GALNTL6: variants seen among roughly 807,000 people sequenced by gnomAD.
GALNTL6 encodes the protein polypeptide N-acetylgalactosaminyltransferase-like 6.
GALNTL6 carries 46 observed loss-of-function variants against 73.7 expected under a neutral mutation model. That is an observed-to-expected ratio of 0.62 (90% confidence interval 0.49 to 0.80). The LOEUF is 0.80. GALNTL6 is among the 30% of genes least tolerant of loss of function. GALNTL6 has a pLI of 0.00. For synonymous variants in GALNTL6, 259 were observed against 263.7 expected (o/e 0.98, Z 0.17); for missense variants, 604 against 755.0 (o/e 0.80, Z 2.34).
At chr4:172,373,609 C>T (rs1432317647) in intron 5 of GALNTL6, among the ~76,000 whole-genome samples, 1 of 152,006 alleles carries the variant, frequency 6.6e-6, no homozygotes, top group African/African-American at 2.4e-5. Context: ...GCATTTTTTG[C>T]CCTTCCAATG....
At chr4:172,706,524 C>G (rs1025973362) in intron 5 of GALNTL6, among the ~76,000 whole-genome samples, 1 of 151,958 alleles carries the variant, frequency 6.6e-6, no homozygotes, top group African/African-American at 2.4e-5. Context: ...GGACTTATGT[C>G]TATGTCTTTG....
intron 2 of GALNTL6, among the ~76,000 whole-genome samples, chr4:172,053,520 G>C (rs1043436717): frequency 6.6e-6 from 1 of 152,158 alleles, no homozygotes; most frequent in Non-Finnish European, 1.5e-5. Flanking sequence ...CTTTTCTAAA[G>C]GGACTGCTGA....
At chr4:172,214,814 T>TA (rs1736446419) in intron 2 of GALNTL6, among the ~76,000 whole-genome samples, 1 of 151,912 alleles carries the variant, frequency 6.6e-6, no homozygotes, top group Non-Finnish European at 1.5e-5. Flanking sequence ...TGCCCGGCCT[T>TA]TTGATTTCTT....
chr4:172,083,986 G>T (rs1435025915), intron 2 of GALNTL6, among the ~76,000 whole-genome samples: 1 of 152,134 alleles, frequency 6.6e-6, no homozygotes, highest in Non-Finnish European at 1.5e-5. Context: ...TTTAAGCAGT[G>T]GCTGGAGAAT....
intron 2 of GALNTL6, among the ~76,000 whole-genome samples, chr4:172,168,691 A>G (rs1210035646): frequency 6.6e-6 from 1 of 151,986 alleles, no homozygotes; most frequent in African/African-American, 2.4e-5. Context: ...CATAATAATG[A>G]TGATGGTGAT....
chr4:172,708,060 A>G (rs1366524836), intron 5 of GALNTL6, among the ~76,000 whole-genome samples: 1 of 152,098 alleles, frequency 6.6e-6, no homozygotes, highest in Non-Finnish European at 1.5e-5. Context: ...CCTCACCATA[A>G]AAACAAAACT....
At chr4:172,453,849 G>C (rs1732301545) in intron 5 of GALNTL6, among the ~76,000 whole-genome samples, 1 of 152,170 alleles carries the variant, frequency 6.6e-6, no homozygotes, top group Non-Finnish European at 1.5e-5. Flanking sequence ...AATAAGTCCA[G>C]AGTACTAAAT....
intron 3 of GALNTL6, among the ~76,000 whole-genome samples, chr4:172,254,431 G>A (rs1305162685): frequency 6.6e-6 from 1 of 150,932 alleles, no homozygotes; most frequent in African/African-American, 2.4e-5. Context: ...CTTGCTTTTT[G>A]TCTTGCTACA....
chr4:172,073,644 C>G (rs1245821637), intron 2 of GALNTL6, among the ~76,000 whole-genome samples: 4 of 152,140 alleles, frequency 2.6e-5, no homozygotes, highest in African/African-American at 9.7e-5. Flanking sequence ...ATTGATTCTC[C>G]CATTGACTAG....
At chr4:172,298,534 A>G (rs2111115672) in intron 3 of GALNTL6, among the ~76,000 whole-genome samples, 1 of 152,178 alleles carries the variant, frequency 6.6e-6, no homozygotes, top group Middle Eastern at 3.4e-3. Context: ...TACCATCAAT[A>G]CCTAATTTCA....
chr4:172,704,760 G>A (rs984386251), intron 5 of GALNTL6, among the ~76,000 whole-genome samples: 1 of 151,860 alleles, frequency 6.6e-6, no homozygotes, highest in Non-Finnish European at 1.5e-5. Context: ...TTTTCTTCTG[G>A]ATGATCTGTC....
chr4:172,866,856 G>C (rs1055285397), intron 7 of GALNTL6, among the ~76,000 whole-genome samples: 2 of 152,106 alleles, frequency 1.3e-5, no homozygotes, highest in Non-Finnish European at 2.9e-5. Context: ...ATGGGCTTGT[G>C]CTATGAATTT....
At chr4:172,644,177 G>A (rs1227799110) in intron 5 of GALNTL6, among the ~76,000 whole-genome samples, 1 of 151,558 alleles carries the variant, frequency 6.6e-6, no homozygotes, top group African/African-American at 2.4e-5. Context: ...CATCTTTATT[G>A]AGCTTGATAA....
chr4:172,863,416 G>A (rs1490161471), intron 7 of GALNTL6, among the ~76,000 whole-genome samples: 1 of 152,170 alleles, frequency 6.6e-6, no homozygotes, highest in Non-Finnish European at 1.5e-5. Context: ...GCTGCCCAAG[G>A]CTGTAGGAGC....
intron 7 of GALNTL6, among the ~76,000 whole-genome samples, chr4:172,864,931 G>A (rs532689057): frequency 3.3e-5 from 5 of 152,256 alleles, no homozygotes; most frequent in African/African-American, 1.2e-4. Flanking sequence ...CAAATTATCA[G>A]GGGAACAATA....
At chr4:172,747,837 CA>C (rs374876929) in intron 5 of GALNTL6, among the ~76,000 whole-genome samples, 7,477 of 131,690 alleles carry the variant, frequency 0.057, 375 homozygotes, top group African/African-American at 0.15. Flanking sequence ...TATTCAGCTT[CA>C]AAAAAAAAAA....
intron 2 of GALNTL6, among the ~76,000 whole-genome samples, chr4:172,195,978 C>CA (rs973046299): frequency 3.5e-5 from 4 of 114,850 alleles, no homozygotes; most frequent in Non-Finnish European, 5.5e-5. Flanking sequence ...AAAAACCTTT[C>CA]AAAAAAATAA....
intron 7 of GALNTL6, among the ~76,000 whole-genome samples, chr4:172,844,172 G>A (rs566309231): frequency 2.6e-5 from 4 of 152,312 alleles, no homozygotes; most frequent in Non-Finnish European, 4.4e-5. Context: ...CTCATACCGC[G>A]TACATTGAGC....
chr4:172,255,268 A>G (rs1054694424), intron 3 of GALNTL6, among the ~76,000 whole-genome samples: 4 of 109,528 alleles, frequency 3.7e-5, no homozygotes, highest in African/African-American at 1.3e-4. Flanking sequence ...AGTTACCGCA[A>G]TGTGGTTTGT....
Sources: allele counts gnomAD v4.1 joint callset (sites outside exome capture counted in the v4.1 genomes callset), GRCh38; gene constraint gnomAD v4.1.1; transcripts MANE v1.5; gene names NCBI Gene and HGNC (gene_info 2026-07-23, HGNC 2026-07-21).